Variants in ATP9A observed in about 807,000 individuals in gnomAD.
ATP9A encodes the protein ATPase phospholipid transporting 9A, also known as probable phospholipid-transporting ATPase IIA.
Under a neutral mutation model 144.1 loss-of-function variants are expected in ATP9A, and 52 were observed. The ratio of observed to expected loss-of-function variants is 0.36; its 90% CI spans 0.29 to 0.45. The LOEUF is 0.45. Ranked by LOEUF, ATP9A falls within the 20% of genes least tolerant of loss-of-function variation. The pLI, the probability that ATP9A is intolerant of heterozygous loss-of-function variation, is 1.00. For missense variants in ATP9A, 947 were observed against 1,392.7 expected (o/e 0.68, Z 5.09); for synonymous variants, 582 against 557.4 (o/e 1.04, Z -0.62).
intron 6 of ATP9A, among the ~76,000 whole-genome samples, chr20:51,694,823 T>C (rs1028620607): frequency 2.6e-5 from 4 of 152,324 alleles, no homozygotes; most frequent in African/African-American, 9.6e-5. Flanking sequence ...GTTCAGTCTT[T>C]GAGAACTATT....
chr20:51,751,674 G>A (rs1465232345), intron 1 of ATP9A, among the ~76,000 whole-genome samples: 4 of 152,008 alleles, frequency 2.6e-5, no homozygotes, highest in African/African-American at 4.8e-5. Context: ...TGCAAGCTCC[G>A]CCTCCCGGGT....
chr20:51,745,687 G>A (rs1248338953), intron 1 of ATP9A, among the ~76,000 whole-genome samples: 2 of 152,144 alleles, frequency 1.3e-5, no homozygotes, highest in Non-Finnish European at 2.9e-5. Context: ...TAGTCCTGCG[G>A]TGGAGAGCCC....
At chr20:51,747,343 G>A (rs111865602) in intron 1 of ATP9A, among the ~76,000 whole-genome samples, 32 of 152,138 alleles carry the variant, frequency 2.1e-4, no homozygotes, top group African/African-American at 5.3e-4. Flanking sequence ...GGTAGGGAGC[G>A]ATCTCTGGTC....
chr20:51,728,744 C>A (rs773050426), intron 2 of ATP9A, among the ~76,000 whole-genome samples: 1 of 151,796 alleles, frequency 6.6e-6, no homozygotes, highest in African/African-American at 2.4e-5. Flanking sequence ...CCAGCCCAGG[C>A]AAGACAGTGA....
At chr20:51,753,666 CTTT>C (rs67673002) in intron 1 of ATP9A, among the ~76,000 whole-genome samples, 4 of 137,234 alleles carry the variant, frequency 2.9e-5, no homozygotes, top group Non-Finnish European at 1.6e-5. Context: ...CTTTTTCTTT[CTTT>C]TTTTTTTTTT....
chr20:51,634,118 A>G (rs1326914095), intron 15 of ATP9A, among the ~76,000 whole-genome samples: 1 of 152,146 alleles, frequency 6.6e-6, no homozygotes, highest in Non-Finnish European at 1.5e-5. Context: ...AAGACACACG[A>G]GCCACATCTC....
intron 16 of ATP9A, 77 bp from the exon 17 acceptor site, chr20:51,627,760 T>C: frequency 8.4e-7 from 1 of 1,188,320 alleles, no homozygotes; most frequent in Non-Finnish European, 1.2e-6. Context: ...AGTGCCCAAG[T>C]GGATGTGCCC....
chr20:51,761,830 C>T (rs934367353), intron 1 of ATP9A, among the ~76,000 whole-genome samples: 1 of 152,086 alleles, frequency 6.6e-6, no homozygotes, highest in African/African-American at 2.4e-5. Context: ...ACAGTTAGGT[C>T]CGAAGTCCAA....
intron 13 of ATP9A, 59 bp from the exon 14 acceptor site, chr20:51,657,209 G>A: frequency 6.9e-7 from 1 of 1,445,020 alleles, no homozygotes; most frequent in Non-Finnish European, 9.6e-7. Flanking sequence ...TTTGGAGAGT[G>A]GAAGAACAGC....
At chr20:51,732,799 C>T (rs944954694) in intron 1 of ATP9A, among the ~76,000 whole-genome samples, 4 of 151,422 alleles carry the variant, frequency 2.6e-5, no homozygotes, top group Non-Finnish European at 5.9e-5. Context: ...ATGGAGGAAG[C>T]AAAGAGGGAG....
At chr20:51,652,259 C>T (rs903396747) in intron 14 of ATP9A, among the ~76,000 whole-genome samples, 27 of 152,208 alleles carry the variant, frequency 1.8e-4, no homozygotes, top group African/African-American at 6.5e-4. Context: ...GCAGGGAGGG[C>T]CCAGCGCCCC....
At chr20:51,687,248 A>G (rs759878662) in intron 9 of ATP9A, among the ~76,000 whole-genome samples, 10 of 152,144 alleles carry the variant, frequency 6.6e-5, no homozygotes, top group South Asian at 4.1e-4. Flanking sequence ...CTCTTTAGTC[A>G]TCAGGGGGAC....
At chr20:51,642,257 C>T (rs796462002) in intron 14 of ATP9A, among the ~76,000 whole-genome samples, 4 of 152,052 alleles carry the variant, frequency 2.6e-5, no homozygotes, top group African/African-American at 9.6e-5. Context: ...CGGGTTCAAG[C>T]AATTCTCCTG....
intron 9 of ATP9A, among the ~76,000 whole-genome samples, chr20:51,677,434 AC>A (rs933147173): frequency 2.0e-5 from 3 of 152,158 alleles, no homozygotes; most frequent in Admixed American, 6.5e-5. Context: ...AACAGAGAAG[AC>A]CCAGAGCCTT....
chr20:51,610,251 C>T lies in ATP9A; in HGVS notation c.2572-86G>A, dbSNP rs938065812. 14 of 1,109,548 alleles carry T rather than the reference C, an allele frequency of 1.3e-5. No individual in the cohort carries two copies. In the Admixed American group the frequency reaches 2.3e-4, roughly 18 times the overall value. The allele number at this position is 1,109,548 out of a possible 1,614,324, so 68.7% of individuals were successfully genotyped here. On this transcript the variant is annotated intron_variant, in intron 23 of 27. Transcript: ENST00000338821. ...GAATAAAAATAACACCTGATACTTACATAACACCCGCGCCGGCACTGCTGT... is the reference window on the plus strand; with the variant it reads ...GAATAAAAATAACACCTGATACTTATATAACACCCGCGCCGGCACTGCTGT...
At chr20:51,724,664 ACT>A (rs1210183869) in intron 3 of ATP9A, among the ~76,000 whole-genome samples, 1 of 152,032 alleles carries the variant, frequency 6.6e-6, no homozygotes, top group Non-Finnish European at 1.5e-5. Flanking sequence ...ATATTTGTCT[ACT>A]CTGTTCATTG....
intron 1 of ATP9A, among the ~76,000 whole-genome samples, chr20:51,751,863 T>C (rs2869446): frequency 0.9 from 136,520 of 152,010 alleles, 61,570 homozygotes; most frequent in African/African-American, 0.97. Flanking sequence ...GCTGGGATTA[T>C]AGGCGTGAGC....
intron 13 of ATP9A, among the ~76,000 whole-genome samples, chr20:51,664,546 C>T (rs1229860491): frequency 1.3e-5 from 2 of 151,888 alleles, no homozygotes; most frequent in Non-Finnish European, 2.9e-5. Flanking sequence ...TGTGATGGCA[C>T]CACTGCACCG....
chr20:51,603,481 A>G (rs2077150873), intron 27 of ATP9A, among the ~76,000 whole-genome samples: 1 of 152,148 alleles, frequency 6.6e-6, no homozygotes, highest in Non-Finnish European at 1.5e-5. Flanking sequence ...ACAGGAATTA[A>G]AGCCCGTGTC....
Sources: allele counts gnomAD v4.1 joint callset (sites outside exome capture counted in the v4.1 genomes callset), GRCh38; gene constraint gnomAD v4.1.1; transcripts MANE v1.5; gene names NCBI Gene and HGNC (gene_info 2026-07-23, HGNC 2026-07-21).